Variants in KCNMA1 observed in about 807,000 individuals in gnomAD.
KCNMA1 encodes potassium calcium-activated channel subfamily M alpha 1, also known as Calcium-activated potassium channel subunit alpha-1.
Under a neutral mutation model 140.0 loss-of-function variants are expected in KCNMA1, and 29 were observed. The observed-to-expected ratio is 0.21, with a 90% CI of 0.15 to 0.28. KCNMA1 has a LOEUF of 0.28. KCNMA1 is among the 10% of genes least tolerant of loss of function. KCNMA1 has a pLI of 1.00. For synonymous variants in KCNMA1, 612 were observed against 611.9 expected (o/e 1.00, Z 0.00); for missense variants, 880 against 1,602.2 (o/e 0.55, Z 7.70).
intron 3 of KCNMA1, among the ~76,000 whole-genome samples, chr10:77,190,521 T>C (rs1240416346): frequency 1.3e-5 from 2 of 152,182 alleles, no homozygotes; most frequent in Admixed American, 6.5e-5. Flanking sequence ...GCATAAGACA[T>C]AGTGTCTGCT....
chr10:77,625,320 G>T (rs952457434), intron 1 of KCNMA1, among the ~76,000 whole-genome samples: 4 of 152,074 alleles, frequency 2.6e-5, no homozygotes, highest in Non-Finnish European at 5.9e-5. Context: ...GGCGGAGCTT[G>T]CAGTGAGCCG....
At chr10:76,983,866 A>G (rs1230550820) in intron 19 of KCNMA1, among the ~76,000 whole-genome samples, 1 of 152,328 alleles carries the variant, frequency 6.6e-6, no homozygotes, top group East Asian at 1.9e-4. Flanking sequence ...TTTGCACTAA[A>G]TATTCTGTAC....
At chr10:76,967,042 C>G (rs2074223215) in intron 20 of KCNMA1, among the ~76,000 whole-genome samples, 1 of 152,128 alleles carries the variant, frequency 6.6e-6, no homozygotes, top group Non-Finnish European at 1.5e-5. Context: ...TGCAGAGTCC[C>G]CGTTGCATCT....
At chr10:77,303,589 A>G (rs1253141595) in intron 2 of KCNMA1, among the ~76,000 whole-genome samples, 2 of 152,196 alleles carry the variant, frequency 1.3e-5, no homozygotes, top group African/African-American at 2.4e-5. Context: ...TAAGTAAGCC[A>G]TGTCACCCCT....
intron 9 of KCNMA1, among the ~76,000 whole-genome samples, chr10:77,102,304 A>T (rs1974059): frequency 0.43 from 65,915 of 152,072 alleles, 15,627 homozygotes; most frequent in Non-Finnish European, 0.53. Flanking sequence ...ACCCTGGTGG[A>T]CAAGACATGA....
intron 1 of KCNMA1, among the ~76,000 whole-genome samples, chr10:77,517,006 A>C (rs931896853): frequency 2.0e-5 from 3 of 150,198 alleles, no homozygotes; most frequent in African/African-American, 7.3e-5. Flanking sequence ...CAAAAAAAAA[A>C]AAAACAAAAG....
At chr10:76,881,583 C>A (rs2034677802), downstream of KCNMA1, among the ~76,000 whole-genome samples, 1 of 152,156 alleles carries the variant, frequency 6.6e-6, no homozygotes, top group Non-Finnish European at 1.5e-5. Context: ...CTAAAGAGTG[C>A]TCATGAGAAT....
rs182328376 is a variant in KCNMA1 at position 77,006,318 on chromosome 10, T to C, written c.2093-4738A>G. ...AAAAAAACATCTGCCATTCAATCAA[T>C]AGATACTTTTCAGGTCACAGCCTCA... On this transcript the variant is annotated intron_variant, in intron 18 of 27. Coordinates refer to ENST00000286628, the MANE Select transcript of KCNMA1 (RefSeq NM_001161352.2). 1.6e-3 allele frequency among the ~76,000 whole-genome samples: 246 copies of C among 152,244 alleles called. 1 individual carries two copies. The highest frequency in any genetic ancestry group is 5.6e-3 in the African/African-American group (231 of 41,556).
intron 1 of KCNMA1, among the ~76,000 whole-genome samples, chr10:77,516,486 C>T (rs774621126): frequency 4.6e-5 from 7 of 152,222 alleles, no homozygotes; most frequent in Non-Finnish European, 7.3e-5. Flanking sequence ...GCATCTGCTT[C>T]GTTTTCTGCA....
chr10:77,432,671 C>G (rs2097177261), intron 1 of KCNMA1, among the ~76,000 whole-genome samples: 2 of 152,164 alleles, frequency 1.3e-5, no homozygotes, highest in African/African-American at 4.8e-5. Context: ...TCAAAGGTCC[C>G]CATTTTCAAT....
At chr10:76,881,543 C>G (rs1257530132), downstream of KCNMA1, among the ~76,000 whole-genome samples, 1 of 152,148 alleles carries the variant, frequency 6.6e-6, no homozygotes, top group Non-Finnish European at 1.5e-5. Flanking sequence ...CCATCTGAAG[C>G]TGTTGTGAGG....
intron 20 of KCNMA1, among the ~76,000 whole-genome samples, chr10:76,964,129 G>A (rs776736200): frequency 5.3e-5 from 8 of 151,448 alleles, no homozygotes; most frequent in Middle Eastern, 3.4e-3. Context: ...CATCACCCCC[G>A]AGACACCACT....
At chr10:76,976,507 C>T (rs190958981) in intron 19 of KCNMA1, among the ~76,000 whole-genome samples, 47 of 152,212 alleles carry the variant, frequency 3.1e-4, no homozygotes, top group African/African-American at 8.4e-4. Context: ...CAAAATACTG[C>T]GGGCCTAATG....
intron 2 of KCNMA1, among the ~76,000 whole-genome samples, chr10:77,296,002 G>C (rs1468066813): frequency 2.0e-5 from 3 of 151,960 alleles, no homozygotes; most frequent in Non-Finnish European, 2.9e-5. Context: ...TAAATAAACC[G>C]AGAAATCACT....
At chr10:77,260,045 G>C (rs1050830141) in intron 2 of KCNMA1, among the ~76,000 whole-genome samples, 1 of 152,220 alleles carries the variant, frequency 6.6e-6, no homozygotes, top group African/African-American at 2.4e-5. Flanking sequence ...CACTGAGTGA[G>C]ACCCTGAAGT....
intron 1 of KCNMA1, among the ~76,000 whole-genome samples, chr10:77,485,476 G>A (rs982182232): frequency 6.6e-6 from 1 of 152,164 alleles, no homozygotes; most frequent in Non-Finnish European, 1.5e-5. Context: ...TCTGTGGTTC[G>A]AGGAAAAGCC....
chr10:76,935,777 G>A (rs563349598), intron 23 of KCNMA1, among the ~76,000 whole-genome samples: 3 of 152,164 alleles, frequency 2.0e-5, no homozygotes, highest in Admixed American at 6.5e-5. Context: ...TTCCCTTCAC[G>A]ACAGTTGTCA....
chr10:77,051,181 C>T (rs1020680910), intron 14 of KCNMA1, among the ~76,000 whole-genome samples: 3 of 152,188 alleles, frequency 2.0e-5, no homozygotes, highest in African/African-American at 7.2e-5. Context: ...CGAAAACGCT[C>T]GCCAACCCAG....
intron 3 of KCNMA1, among the ~76,000 whole-genome samples, chr10:77,221,127 A>T (rs2049506251): frequency 6.6e-6 from 1 of 152,210 alleles, no homozygotes; most frequent in Non-Finnish European, 1.5e-5. Context: ...TTATTCACAA[A>T]TGCAAATTGC....
Sources: allele counts gnomAD v4.1 joint callset (sites outside exome capture counted in the v4.1 genomes callset), GRCh38; gene constraint gnomAD v4.1.1; transcripts MANE v1.5; gene names NCBI Gene and HGNC (gene_info 2026-07-23, HGNC 2026-07-21).